The following TBC1D1 variants were observed in gnomAD, a reference collection of about 807,000 sequenced individuals.
TBC1D1 encodes the protein TBC1 (tre-2/USP6, BUB2, cdc16) domain family, member 1.
In TBC1D1, 89 loss-of-function variants were observed where a neutral mutation model predicts 125.6. That is an observed-to-expected ratio of 0.71 (90% CI 0.60 to 0.85). The LOEUF is 0.85. Among genes scored for constraint, TBC1D1 ranks in the 40% least tolerant of loss-of-function variants. The pLI is 0.00. For missense variants in TBC1D1, 1,377 were observed against 1,469.2 expected (o/e 0.94, Z 1.03); for synonymous variants, 565 against 564.1 (o/e 1.00, Z -0.02).
At chr4:38,082,744 A>T (rs559187746) in intron 12 of TBC1D1, among the ~76,000 whole-genome samples, 2 of 152,146 alleles carry the variant, frequency 1.3e-5, no homozygotes, top group African/African-American at 4.8e-5. Flanking sequence ...TCGCCCACCC[A>T]GGCCTGTTCT....
At chr4:37,940,802 T>C (rs1200290617) in intron 2 of TBC1D1, among the ~76,000 whole-genome samples, 1 of 152,224 alleles carries the variant, frequency 6.6e-6, no homozygotes, top group Non-Finnish European at 1.5e-5. Context: ...TTGTCTTTGG[T>C]TCTGTTTATA....
chr4:38,009,775 A>T (rs971754318), intron 2 of TBC1D1, among the ~76,000 whole-genome samples: 1 of 152,230 alleles, frequency 6.6e-6, no homozygotes, highest in African/African-American at 2.4e-5. Context: ...GAGTTTTAGT[A>T]TAAACTCAAA....
intron 13 of TBC1D1, among the ~76,000 whole-genome samples, chr4:38,093,689 T>TTTA (rs71658756): frequency 0.16 from 24,020 of 150,228 alleles, 2,318 homozygotes; most frequent in East Asian, 0.44. Flanking sequence ...CCGGCTAATT[T>TTTA]TTATTATTAG....
At chr4:38,099,867 A>G (rs919052887) in intron 14 of TBC1D1, among the ~76,000 whole-genome samples, 14 of 152,222 alleles carry the variant, frequency 9.2e-5, no homozygotes, top group Non-Finnish European at 1.9e-4. Flanking sequence ...ACTCCTGAAT[A>G]CCACAATATC....
At position 38,113,523 on chromosome 4, in the gene TBC1D1, G is replaced by T. The variant is rs755330234; in HGVS notation, c.2558-2187G>T. Among the ~76,000 whole-genome samples the T allele has an allele frequency of 6.6e-5, 10 of 152,218 alleles. 1 individual carries two copies. The highest frequency in any genetic ancestry group is 4.1e-4 in the South Asian group (2 of 4,836). On this transcript the variant is annotated intron_variant, in intron 15 of 19. Coordinates refer to ENST00000261439, the MANE Select transcript of TBC1D1 (RefSeq NM_015173.4). Reference sequence around the variant, plus strand: ...TTCAGAATAACTAAACCTTCCCTGTGTTCCTTTATGCCACATGACTCCTGC... The same window carrying T: ...TTCAGAATAACTAAACCTTCCCTGTTTTCCTTTATGCCACATGACTCCTGC...
chr4:38,001,906 T>A (rs1264640979), intron 2 of TBC1D1, among the ~76,000 whole-genome samples: 1 of 152,232 alleles, frequency 6.6e-6, no homozygotes, highest in Non-Finnish European at 1.5e-5. Flanking sequence ...ATATCATAAT[T>A]ATTTGGATAA....
chr4:38,067,697 A>G (rs1753974608), intron 12 of TBC1D1, among the ~76,000 whole-genome samples: 1 of 152,138 alleles, frequency 6.6e-6, no homozygotes, highest in Non-Finnish European at 1.5e-5. Context: ...TATGGACCAC[A>G]TTCTGATAGT....
intron 2 of TBC1D1, among the ~76,000 whole-genome samples, chr4:37,929,788 T>C (rs1722892741): frequency 6.6e-6 from 1 of 152,192 alleles, no homozygotes; most frequent in African/African-American, 2.4e-5. Context: ...ACTATGTCAA[T>C]GAGTCTGTGG....
chr4:38,007,678 C>T (rs1283336645), intron 2 of TBC1D1, among the ~76,000 whole-genome samples: 1 of 152,194 alleles, frequency 6.6e-6, no homozygotes, highest in Non-Finnish European at 1.5e-5. Flanking sequence ...TTATGTGCTG[C>T]TTTATTCCCT....
rs556436485 is a variant in TBC1D1, at chr4:38,108,084, C to G, written c.2557+4927C>G. On this transcript the variant is annotated intron_variant, in intron 15 of 19. Transcript: ENST00000261439. Reference sequence around the variant, plus strand: ...TGCATCCATTTGTCCAGCCCTCAGACAATTGCCACTGTTTTCATGTCTATT... The same window carrying G: ...TGCATCCATTTGTCCAGCCCTCAGAGAATTGCCACTGTTTTCATGTCTATT... Among the ~76,000 whole-genome samples, 64 of 152,226 alleles carry G rather than the reference C, an allele frequency of 4.2e-4. 1 individual carries two copies. Among genetic ancestry groups the G allele is most frequent in the Non-Finnish European group, 8.1e-4 (55 of 68,030 alleles).
chr4:37,914,009 C>T (rs1490106432), intron 2 of TBC1D1, among the ~76,000 whole-genome samples: 4 of 152,148 alleles, frequency 2.6e-5, no homozygotes, highest in Admixed American at 2.6e-4. Context: ...CCACACCTGC[C>T]TGTTTTTCCT....
At chr4:37,955,611 A>T (rs1728776940) in intron 2 of TBC1D1, among the ~76,000 whole-genome samples, 1 of 152,184 alleles carries the variant, frequency 6.6e-6, no homozygotes, top group South Asian at 2.1e-4. Context: ...TTTTCCAAAT[A>T]TTTACAATCC....
chr4:37,964,196 G>A (rs895222697), intron 2 of TBC1D1, among the ~76,000 whole-genome samples: 8 of 152,242 alleles, frequency 5.3e-5, no homozygotes, highest in Non-Finnish European at 1.5e-5. Flanking sequence ...GCACACACAT[G>A]GGCCAGGGTT....
chr4:37,954,169 A>G (rs140456330), intron 2 of TBC1D1, among the ~76,000 whole-genome samples: 1 of 152,296 alleles, frequency 6.6e-6, no homozygotes, highest in East Asian at 1.9e-4. Context: ...GTGTGGCCTC[A>G]GGATTCCAAG....
At chr4:37,916,389 T>G (rs959077370) in intron 2 of TBC1D1, among the ~76,000 whole-genome samples, 1 of 152,146 alleles carries the variant, frequency 6.6e-6, no homozygotes, top group African/African-American at 2.4e-5. Context: ...TTAAACATCT[T>G]TTTATGGTGA....
intron 8 of TBC1D1, among the ~76,000 whole-genome samples, chr4:38,041,902 A>G (rs1748454899): frequency 6.6e-6 from 1 of 152,216 alleles, no homozygotes; most frequent in Admixed American, 6.5e-5. Flanking sequence ...GGCTGGGCAC[A>G]GTGGCTCACG....
At chr4:38,074,131 C>T (rs927096267) in intron 12 of TBC1D1, among the ~76,000 whole-genome samples, 3 of 152,186 alleles carry the variant, frequency 2.0e-5, no homozygotes, top group African/African-American at 7.2e-5. Flanking sequence ...CAGCTTGATG[C>T]TCCTGCCCCA....
intron 17 of TBC1D1, chr4:38,120,035 C>T: frequency 1.0e-6 from 1 of 985,352 alleles, no homozygotes; most frequent in Non-Finnish European, 1.2e-6. Flanking sequence ...GATAGCCCTT[C>T]TATTGCAGAG....
rs1349002944 is a variant in TBC1D1 at position 37,995,564 on chromosome 4, A to G, written c.418-18945A>G. ...TCCAGGTTGGTGCTGATGATATGAT[A>G]AAGCTCAGCACAGAAGGCCTTCAGG... On this transcript the variant is annotated intron_variant, in intron 2 of 19. Transcript: ENST00000261439. This position sits in a 1 kb window ranked among gnomAD's most constrained non-coding sequence, Gnocchi z 4.3. The G allele has an allele frequency of 4.8e-6, 2 of 415,050 alleles. No homozygotes were observed. The highest frequency in any genetic ancestry group is 2.1e-5 in the African/African-American group (1 of 48,242). The allele number at this position is 415,050 out of a possible 1,614,324, so 25.7% of individuals were successfully genotyped here.
Sources: allele counts gnomAD v4.1 joint callset (sites outside exome capture counted in the v4.1 genomes callset), GRCh38; gene constraint gnomAD v4.1.1; non-coding constraint Gnocchi (gnomAD v3.1); transcripts MANE v1.5; gene names NCBI Gene and HGNC (gene_info 2026-07-23, HGNC 2026-07-21).